Variants in FHAD1 observed in about 807,000 individuals in gnomAD.
The protein encoded by FHAD1 is forkhead-associated domain-containing protein 1.
A neutral mutation model predicts 191.3 loss-of-function variants in FHAD1; 146 were observed. That is an observed-to-expected ratio of 0.76 (90% CI 0.67 to 0.88). The LOEUF (loss-of-function observed/expected upper bound fraction) is 0.88. Ranked by LOEUF, FHAD1 falls within the 40% of genes least tolerant of loss-of-function variation. The pLI is 0.00. For synonymous variants in FHAD1, 616 were observed against 672.3 expected, an observed-to-expected ratio of 0.92 and a Z score of 1.29; for missense variants, 1,635 against 1,785.8, an observed-to-expected ratio of 0.92 and a Z score of 1.52.
Position 15,345,193 on chromosome 1 carries a change from A to G in FHAD1, c.2238+3A>G, listed in dbSNP as rs560807600. On this transcript the variant is annotated splice_donor_region_variant and intron_variant, in intron 17 of 33. Coordinates refer to ENST00000688493, the MANE Select transcript of FHAD1 (RefSeq NM_001391957.1). The stretch of plus-strand genomic sequence containing the variant: ...GCCTCCTGGCCCAGCAGAAGAAGGT[A>G]TGTGGCTCAGGGAGACAGAGTCAGC... 2.0e-5 allele frequency: 31 copies of G among 1,550,364 alleles called. 2 individuals carry two copies. In the South Asian group the frequency reaches 3.6e-4, roughly 18 times the overall value.
At chr1:15,314,416 T>C (rs1216786662) in intron 8 of FHAD1, 3 of 152,110 alleles carry the variant, frequency 2.0e-5, no homozygotes, top group Non-Finnish European at 4.4e-5. Flanking sequence ...TTGTTATAAC[T>C]GATGTGGCCT....
intron 31 of FHAD1, among the ~76,000 whole-genome samples, chr1:15,386,644 A>G (rs1054421631): frequency 1.3e-5 from 2 of 152,194 alleles, no homozygotes; most frequent in Non-Finnish European, 2.9e-5. Context: ...GGGCTTGGCC[A>G]CAGCTTTGCC....
intron 23 of FHAD1, 61 bp from the exon 24 acceptor site, chr1:15,365,766 C>A: frequency 9.6e-7 from 1 of 1,042,758 alleles, no homozygotes; most frequent in Non-Finnish European, 1.5e-6. Flanking sequence ...CCCCTCCTGA[C>A]ACTCAGGAGA....
intron 3 of FHAD1, 108 bp downstream of exon 3, chr1:15,272,637 G>A (rs552148625): frequency 3.0e-5 from 29 of 958,302 alleles, no homozygotes; most frequent in Middle Eastern, 3.3e-4. Context: ...CACTGTGATC[G>A]CACGCTGCAC....
chr1:15,367,372 C>T lies in FHAD1; in HGVS notation c.3155-91C>T, dbSNP rs911284288. On this transcript the variant is annotated intron_variant, in intron 24 of 33. Coordinates refer to ENST00000688493, the MANE Select transcript of FHAD1 (RefSeq NM_001391957.1). ...TTAGCCAGTCGTGGTGGCGCATGCC[C>T]GTAATCCCACGTACACAAGAGGCTG... The T allele has an allele frequency of 2.2e-5, 31 of 1,412,066 alleles. No homozygotes were observed. The African/African-American group carries it at 3.5e-4, about 16-fold the overall frequency. The allele number at this position is 1,412,066 out of a possible 1,614,324, so 87.5% of individuals were successfully genotyped here.
At chr1:15,386,927 A>C (rs1702270282) in intron 31 of FHAD1, among the ~76,000 whole-genome samples, 1 of 151,372 alleles carries the variant, frequency 6.6e-6, no homozygotes. Flanking sequence ...CCGTGGCACA[A>C]TCTCGGCTCA....
chr1:15,248,479 G>A (rs1390726361), intron 1 of FHAD1, among the ~76,000 whole-genome samples: 13 of 152,094 alleles, frequency 8.5e-5, no homozygotes, highest in Admixed American at 8.5e-4. Context: ...TGCACACTGC[G>A]AGTCTGTTTC....
At chr1:15,249,222 C>T (rs765953386) in intron 1 of FHAD1, among the ~76,000 whole-genome samples, 2 of 151,562 alleles carry the variant, frequency 1.3e-5, no homozygotes, top group African/African-American at 4.9e-5. Context: ...TGACTGGTGA[C>T]GCCTTTAGCT....
intron 4 of FHAD1, 97 bp from the exon 5 acceptor site, chr1:15,296,587 G>A (rs1442643301): frequency 1.8e-6 from 2 of 1,099,576 alleles, no homozygotes; most frequent in East Asian, 2.6e-5. Flanking sequence ...ATCAATCTCT[G>A]GGGGGAAACA....
intron 4 of FHAD1, among the ~76,000 whole-genome samples, chr1:15,290,315 C>T (rs1003330276): frequency 1.3e-5 from 2 of 152,138 alleles, no homozygotes; most frequent in African/African-American, 4.8e-5. Flanking sequence ...TGTCACTGTC[C>T]TCTTGGCCTC....
intron 2 of FHAD1, among the ~76,000 whole-genome samples, chr1:15,270,403 G>A (rs535788814): frequency 2.0e-5 from 3 of 152,244 alleles, no homozygotes; most frequent in South Asian, 2.1e-4. Flanking sequence ...CTTGTCAAGC[G>A]GGGTGACTTT....
chr1:15,369,617 G>T (rs1697517738), intron 26 of FHAD1, 115 bp downstream of exon 26: 6 of 1,218,306 alleles, frequency 4.9e-6, no homozygotes, highest in South Asian at 2.9e-5. Flanking sequence ...TGGCTTGCTG[G>T]TGTGAAATGT....
At chr1:15,239,219 C>A (rs979406670) in intron 1 of FHAD1, among the ~76,000 whole-genome samples, 3 of 152,122 alleles carry the variant, frequency 2.0e-5, no homozygotes, top group African/African-American at 7.2e-5. Context: ...TAAACTCATT[C>A]ATTTATTTAA....
At chr1:15,347,745 G>A (rs1035890824) in intron 18 of FHAD1, among the ~76,000 whole-genome samples, 4 of 152,286 alleles carry the variant, frequency 2.6e-5, no homozygotes, top group South Asian at 4.1e-4. Context: ...CACCGCTCCC[G>A]GCCTGATTTT....
At chr1:15,283,888 A>C (rs567119366) in intron 3 of FHAD1, among the ~76,000 whole-genome samples, 2 of 152,302 alleles carry the variant, frequency 1.3e-5, no homozygotes, top group African/African-American at 4.8e-5. Context: ...TTCATTAGCC[A>C]ATCATCTAAG....
Position 15,391,263 on chromosome 1 carries a change from G to A in FHAD1, c.4323G>A (p.Gln1441=). ...ACAGGATGCAGAACTCAAATTCCCA[G>A]GTGAGCAGAAAGAGCATCCTTTAGA... ...VKNRMQNSNS[Q]VGTRKASLKM... is the part of the protein sequence containing the mutation. Residue 1441 remains glutamine, a splice_region_variant and synonymous_variant, in exon 33 of 34, where the codon CAG becomes CAA. Transcript: ENST00000688493. The A allele has an allele frequency of 7.8e-7, 1 of 1,287,594 alleles. No individual in the cohort carries two copies. The highest frequency in any genetic ancestry group is 1.0e-6 in the Non-Finnish European group (1 of 987,082). The allele number at this position is 1,287,594 out of a possible 1,614,324, so 79.8% of individuals were successfully genotyped here. A position where few individuals can be genotyped will look rare whatever the true frequency, so the allele number is the denominator to read the frequency against.
chr1:15,269,852 A>T (rs887004603), intron 2 of FHAD1, among the ~76,000 whole-genome samples: 6 of 150,614 alleles, frequency 4.0e-5, no homozygotes, highest in African/African-American at 1.5e-4. Flanking sequence ...TGTTAGGTGC[A>T]TGCACATCAA....
At chr1:15,341,302 A>G (rs1026425342) in intron 15 of FHAD1, among the ~76,000 whole-genome samples, 1 of 152,218 alleles carries the variant, frequency 6.6e-6, no homozygotes, top group Non-Finnish European at 1.5e-5. Context: ...TATTTTTCAG[A>G]TAAGGACAAT....
At chr1:15,328,145 A>T in intron 12 of FHAD1, 132 bp from the exon 13 acceptor site, 3 of 595,876 alleles carry the variant, frequency 5.0e-6, no homozygotes, top group Non-Finnish European at 8.0e-6. Flanking sequence ...ACATATCAGG[A>T]CCTCTGTCCT....
Sources: gnomAD v4.1 joint callset for allele counts (sites outside exome capture counted in the v4.1 genomes callset) on GRCh38, gnomAD v4.1.1 for gene constraint, MANE v1.5 for transcripts, NCBI Gene and HGNC (gene_info 2026-07-23, HGNC 2026-07-21) for gene names.